RPH3AL: variants seen among roughly 807,000 people sequenced by gnomAD.
The protein encoded by RPH3AL is rabphilin 3A like (without C2 domains).
In RPH3AL, 38 loss-of-function variants were observed where a neutral mutation model predicts 43.1. The ratio of observed to expected loss-of-function variants is 0.88; its 90% confidence interval spans 0.68 to 1.15. The LOEUF (loss-of-function observed/expected upper bound fraction) is 1.15. RPH3AL is among the 50% of genes most tolerant of loss of function. RPH3AL has a pLI of 0.00. For missense variants in RPH3AL, 462 were observed against 423.2 expected (o/e 1.09, Z -0.81); for synonymous variants, 189 against 176.3 (o/e 1.07, Z -0.57).
intron 6 of RPH3AL, 38 bp downstream of exon 6, chr17:281,730 C>G (rs200934373): frequency 6.5e-4 from 980 of 1,501,442 alleles, no homozygotes; most frequent in Middle Eastern, 2.1e-3. Flanking sequence ...CATATCCAGC[C>G]CACTCAGCCC....
At chr17:224,969 T>TGGGGGGGGGGG (rs2041073572) in intron 7 of RPH3AL, among the ~76,000 whole-genome samples, 1 of 87,046 alleles carries the variant, frequency 1.1e-5, no homozygotes, top group African/African-American at 4.5e-5. Context: ...TGTCATGGGG[T>TGGGGGGGGGGG]TGGGGGAGGG....
At chr17:316,312 C>G (rs1203373795) in intron 5 of RPH3AL, among the ~76,000 whole-genome samples, 1 of 145,214 alleles carries the variant, frequency 6.9e-6, no homozygotes, top group African/African-American at 2.6e-5. Flanking sequence ...CTCCATTGAC[C>G]TGTAGTCCCT....
intron 1 of RPH3AL, among the ~76,000 whole-genome samples, chr17:351,032 C>G (rs60932163): frequency 0.017 from 2,566 of 152,260 alleles, 105 homozygotes; most frequent in East Asian, 0.14. Flanking sequence ...GATGCTCCCC[C>G]CTTCTAGGAC....
intron 2 of RPH3AL, chr17:331,964 A>G: frequency 1.0e-6 from 1 of 977,480 alleles, no homozygotes. Context: ...AAACCCCCAA[A>G]TTCAGGAGGG....
intron 5 of RPH3AL, among the ~76,000 whole-genome samples, chr17:312,597 T>A (rs2043671974): frequency 6.6e-6 from 1 of 152,212 alleles, no homozygotes; most frequent in African/African-American, 2.4e-5. Context: ...AACACGTGTG[T>A]GGCCTCAGCA....
chr17:253,457 G>A (rs1385877139), intron 6 of RPH3AL, among the ~76,000 whole-genome samples: 3 of 152,126 alleles, frequency 2.0e-5, no homozygotes, highest in Admixed American at 2.0e-4. Flanking sequence ...GCTCCTTTGC[G>A]GCACCGGACC....
chr17:219,896 G>C (rs891466900), intron 7 of RPH3AL, among the ~76,000 whole-genome samples, 160 bp from the exon 8 acceptor site: 3 of 152,160 alleles, frequency 2.0e-5, no homozygotes, highest in Non-Finnish European at 4.4e-5. Flanking sequence ...GCCTGGGGAT[G>C]GGAGGACACA....
At chr17:254,535 A>G (rs80056759) in intron 6 of RPH3AL, among the ~76,000 whole-genome samples, 53 of 7,466 alleles carry the variant, frequency 7.1e-3, no homozygotes, top group Non-Finnish European at 7.9e-3. Flanking sequence ...GTCCTTTTCC[A>G]TCCCTAGGAA....
rs866038698 is a variant in RPH3AL, at chr17:283,035, C to T, written c.352-1181G>A. On this transcript the variant is annotated intron_variant, in intron 5 of 9. Transcript: ENST00000331302. The surrounding 1 kb of genome is among the most constrained non-coding windows in gnomAD (Gnocchi z 4.2). ...GAGGTGGATGTGTTGGGGCTGAGAC[C>T]GGCTCCAGGCTAACCCAGGCAGAGT... Among the ~76,000 whole-genome samples, 40 of 152,174 alleles carry T rather than the reference C, an allele frequency of 2.6e-4. No individual in the cohort carries two copies. Among genetic ancestry groups the T allele is most frequent in the African/African-American group, 8.9e-4 (37 of 41,440 alleles).
chr17:310,781 G>A (rs989911314), intron 5 of RPH3AL, among the ~76,000 whole-genome samples: 3 of 152,198 alleles, frequency 2.0e-5, no homozygotes, highest in African/African-American at 7.2e-5. Flanking sequence ...ATATTTGTGG[G>A]ATAAGGAAGG....
At chr17:220,063 C>T (rs12450789) in intron 7 of RPH3AL, among the ~76,000 whole-genome samples, 20,432 of 151,202 alleles carry the variant, frequency 0.14, 1,461 homozygotes, top group East Asian at 0.21. Flanking sequence ...CTGGCCGTGT[C>T]GGAGGCTGAT....
intron 7 of RPH3AL, among the ~76,000 whole-genome samples, chr17:237,385 G>A (rs1004923655): frequency 1.6e-4 from 24 of 152,172 alleles, no homozygotes; most frequent in Non-Finnish European, 2.6e-4. Context: ...GAAGGGAACC[G>A]GTGTGTCACC....
intron 5 of RPH3AL, among the ~76,000 whole-genome samples, chr17:315,042 A>G (rs142945112): frequency 0.53 from 26,860 of 50,238 alleles, 6,136 homozygotes; most frequent in East Asian, 0.68. Context: ...TAGTCCCTGT[A>G]CTCCACCTCC....
chr17:281,956 G>C, intron 5 of RPH3AL, 102 bp from the exon 6 acceptor site: 4 of 847,250 alleles, frequency 4.7e-6, no homozygotes, highest in African/African-American at 3.3e-5. Flanking sequence ...ATCTTCCAAG[G>C]AGCGTCTCTT....
chr17:321,176 C>T, intron 4 of RPH3AL, 96 bp downstream of exon 4: 2 of 1,463,366 alleles, frequency 1.4e-6, no homozygotes, highest in African/African-American at 1.4e-5. Context: ...AGGTAAATAG[C>T]AAAACCAGGA....
At chr17:284,978 C>T (rs555170418) in intron 5 of RPH3AL, among the ~76,000 whole-genome samples, 1 of 152,318 alleles carries the variant, frequency 6.6e-6, no homozygotes, top group African/African-American at 2.4e-5. Context: ...CCCAGGGTCC[C>T]ACCCTCAGGA....
chr17:293,824 T>A (rs1453078575), intron 5 of RPH3AL, among the ~76,000 whole-genome samples: 1 of 151,636 alleles, frequency 6.6e-6, no homozygotes, highest in Non-Finnish European at 1.5e-5. Flanking sequence ...AGGTCAGGAG[T>A]TCAACACCAA....
intron 3 of RPH3AL, 158 bp from the exon 4 acceptor site, chr17:321,573 C>T: frequency 1.6e-6 from 1 of 632,958 alleles, no homozygotes; most frequent in Non-Finnish European, 2.3e-6. Context: ...GCCCAGGTGG[C>T]AACAGAGATG....
intron 5 of RPH3AL, among the ~76,000 whole-genome samples, chr17:294,282 C>T (rs1347601356): frequency 1.7e-5 from 2 of 118,692 alleles, no homozygotes; most frequent in Admixed American, 9.9e-5. Flanking sequence ...GGCAACATAG[C>T]AAGACCCCGT....
Sources: gnomAD v4.1 joint callset for allele counts (sites outside exome capture counted in the v4.1 genomes callset) on GRCh38, gnomAD v4.1.1 for gene constraint, Gnocchi (gnomAD v3.1) non-coding constraint, MANE v1.5 for transcripts, NCBI Gene and HGNC (gene_info 2026-07-23, HGNC 2026-07-21) for gene names.